Variants in EGF observed in about 807,000 individuals in gnomAD.
EGF encodes epidermal growth factor.
EGF carries 95 observed loss-of-function variants against 143.8 expected under a neutral mutation model. The observed-to-expected ratio is 0.66, with a 90% CI of 0.56 to 0.78. The LOEUF is 0.78. Among genes scored for constraint, EGF ranks in the 30% least tolerant of loss-of-function variants. EGF has a pLI of 0.00. For synonymous variants in EGF, 510 were observed against 510.5 expected (o/e 1.00, Z 0.01); for missense variants, 1,320 against 1,470.9 (o/e 0.90, Z 1.68).
rs904010255 is a variant in EGF, at chr4:109,921,955, G to T, written c.127+8493G>T. Among the ~76,000 whole-genome samples, 65 of 151,468 alleles carry T rather than the reference G, an allele frequency of 4.3e-4. 2 individuals are homozygous for T. The highest frequency in any genetic ancestry group is 1.6e-3 in the African/African-American group (64 of 40,778). On this transcript the variant is annotated intron_variant, in intron 1 of 23. Transcript: ENST00000265171. ...CCAATCCTCTGCTCTTCCAGCCCAG[G>T]CCTTCCCTTACGAGGTTTAAAAACA...
At chr4:109,933,823 C>T (rs1047555286) in intron 1 of EGF, among the ~76,000 whole-genome samples, 2 of 152,012 alleles carry the variant, frequency 1.3e-5, no homozygotes, top group African/African-American at 2.4e-5. Context: ...AGTCTATTAT[C>T]GATAGACATT....
intron 21 of EGF, chr4:110,001,756 A>G: frequency 1.0e-6 from 1 of 985,458 alleles, no homozygotes; most frequent in Non-Finnish European, 1.2e-6. Context: ...GAGTATCTTC[A>G]ACCTCAGACT....
chr4:109,994,063 A>G (rs41335052), intron 19 of EGF, among the ~76,000 whole-genome samples: 129 of 151,756 alleles, frequency 8.5e-4, no homozygotes, highest in African/African-American at 2.9e-3. Context: ...ATTTTTCTCA[A>G]ATAATTTGCT....
chr4:109,961,806 A>G (rs1745742447), intron 7 of EGF, 57 bp from the exon 8 acceptor site: 2 of 1,607,956 alleles, frequency 1.2e-6, no homozygotes, highest in African/African-American at 2.7e-5. Context: ...ACTGATTGCA[A>G]TAAATTTTTG....
intron 17 of EGF, among the ~76,000 whole-genome samples, chr4:109,988,066 A>G (rs887864327): frequency 6.6e-6 from 1 of 152,228 alleles, no homozygotes; most frequent in Non-Finnish European, 1.5e-5. Flanking sequence ...TTGAGTTTAT[A>G]GTAAAATTTA....
chr4:109,932,376 T>TATATATATATATATATATATATAA (rs1231665559), intron 1 of EGF, among the ~76,000 whole-genome samples: 1 of 126,194 alleles, frequency 7.9e-6, no homozygotes, highest in East Asian at 2.7e-4. Flanking sequence ...TATATATATA[T>TATATATATATATATATATATATAA]AAATTTTTTT....
chr4:109,946,162 TTGCCAC>T (rs565797224), intron 5 of EGF, among the ~76,000 whole-genome samples: 252 of 152,326 alleles, frequency 1.7e-3, no homozygotes, highest in African/African-American at 5.8e-3. Context: ...CTCTTCTCTA[TTGCCAC>T]TGCCATAGTC....
rs1345377564 is a variant in EGF, at chr4:109,945,040, G to A, written c.738-33G>A. Reference sequence around the variant, plus strand: ...TAATAAGACAAGGAACAAATGTTCTGTTGTTCTTTTTTCTTTTGTGGTTGC... The same window carrying A: ...TAATAAGACAAGGAACAAATGTTCTATTGTTCTTTTTTCTTTTGTGGTTGC... On this transcript the variant is annotated intron_variant, in intron 4 of 23. Coordinates refer to ENST00000265171, the MANE Select transcript of EGF (RefSeq NM_001963.6). The A allele has an allele frequency of 1.9e-6, 3 of 1,599,828 alleles. No homozygotes were observed. The Admixed American group carries it at 5.0e-5, about 27-fold the overall frequency.
intron 18 of EGF, among the ~76,000 whole-genome samples, chr4:109,989,001 A>G (rs1750565473): frequency 6.6e-6 from 1 of 152,148 alleles, no homozygotes; most frequent in Non-Finnish European, 1.5e-5. Flanking sequence ...TGTCTCATCA[A>G]TACTTCCCAC....
intron 1 of EGF, among the ~76,000 whole-genome samples, chr4:109,935,963 A>G (rs1740709092): frequency 6.6e-6 from 1 of 151,718 alleles, no homozygotes; most frequent in African/African-American, 2.4e-5. Flanking sequence ...TTTATTGAGG[A>G]TTTTCATGTC....
At position 110,011,434 on chromosome 4, in the gene EGF, C is replaced by T; in HGVS notation, c.3603C>T (p.His1201=). Residue 1201 remains histidine, a synonymous_variant, in exon 24 of 24, where the codon CAC becomes CAT. Transcript: ENST00000265171. The stretch of plus-strand genomic sequence containing the variant: ...AACAAAGGGCCCTGGACCCACCACA[C>T]CAAATGGAGCTGACTCAGTGAAAAC... ...LWQQRALDPP[H]QMELTQ is the part of the protein sequence containing the mutation. 1 of 1,614,126 alleles carries T rather than the reference C, an allele frequency of 6.2e-7. No homozygotes were observed. The highest frequency in any genetic ancestry group is 1.1e-5 in the South Asian group (1 of 91,078).
In EGF at chr4:109,998,270, A is replaced by C. The variant is rs150401922; in HGVS notation, c.3006-1409A>C. Among the ~76,000 whole-genome samples the C allele has an allele frequency of 1.4e-3, 216 of 152,356 alleles. 1 individual carries two copies. Among genetic ancestry groups the C allele is most frequent in the African/African-American group, 4.9e-3 (205 of 41,588 alleles). On this transcript the variant is annotated intron_variant, in intron 20 of 23. Transcript: ENST00000265171. ...CAAAGATAGCTAGAATTAAAACAGC[A>C]TCCAAGAAAGCCTGCAAGAATGATG... is the stretch of plus-strand genomic sequence containing the variant.
chr4:109,923,973 C>A (rs1182989002), intron 1 of EGF, among the ~76,000 whole-genome samples: 5 of 151,566 alleles, frequency 3.3e-5, no homozygotes, highest in African/African-American at 1.2e-4. Flanking sequence ...AAGAAGGAAA[C>A]AATTCACAGA....
chr4:109,929,721 T>TA (rs978772386), intron 1 of EGF, among the ~76,000 whole-genome samples: 5 of 152,130 alleles, frequency 3.3e-5, no homozygotes, highest in African/African-American at 9.7e-5. Flanking sequence ...AGCATTTTTT[T>TA]AATGGAATTA....
In EGF at chr4:110,000,420, G is replaced by A. The variant is rs11569101; in HGVS notation, c.3173+574G>A. Among the ~76,000 whole-genome samples the A allele has an allele frequency of 6.4e-3, 968 of 151,934 alleles. 11 individuals are homozygous for A. The highest frequency in any genetic ancestry group is 0.021 in the African/African-American group (880 of 41,410). ...TTTATCAATCACAATATGGTTTTGC[G>A]TTCCACTCTCTTTGTTTAATATTAT... On this transcript the variant is annotated intron_variant, in intron 21 of 23. Transcript: ENST00000265171.
At chr4:109,918,752 T>A (rs1317382884) in intron 1 of EGF, among the ~76,000 whole-genome samples, 2 of 152,080 alleles carry the variant, frequency 1.3e-5, no homozygotes, top group Admixed American at 1.3e-4. Flanking sequence ...TACCTGAAGG[T>A]TTGCTGTTGG....
rs375529575 is a variant in EGF, at chr4:110,008,201, T to C, written c.3341T>C (p.Val1114Ala). Residue 1114 changes from valine (V) to alanine (A), a missense_variant, in exon 23 of 24, where the codon GTG becomes GCG. Physicochemically the swap from Val to Ala is moderately conservative, Grantham distance 64. This residue lies in a region of EGF where 1,186 missense variants were observed against 1,313.7 expected (regional missense o/e 0.90). Transcript: ENST00000265171. ...GACCTCAAGAATGGGGGTCAACCAG[T>C]GGCTGGTGAGGATGGCCAGGCAGCA... ...HQDLKNGGQP[V>A]AGEDGQAADG... 3.8e-5 allele frequency: 62 copies of C among 1,613,952 alleles called. No individual in the cohort carries two copies. The highest frequency in any genetic ancestry group is 3.7e-4 in the Admixed American group (22 of 59,978).
chr4:109,982,849 G>A (rs1749586721), intron 15 of EGF, among the ~76,000 whole-genome samples: 1 of 152,158 alleles, frequency 6.6e-6, no homozygotes, highest in Admixed American at 6.6e-5. Context: ...CATTCTGAAG[G>A]ATGAGCCCAG....
chr4:109,950,557 T>C (rs1225616404), intron 5 of EGF, among the ~76,000 whole-genome samples: 1 of 152,220 alleles, frequency 6.6e-6, no homozygotes, highest in Non-Finnish European at 1.5e-5. Flanking sequence ...TAATCATCAG[T>C]AATTAAAGTG....
Sources: allele counts gnomAD v4.1 joint callset (sites outside exome capture counted in the v4.1 genomes callset), GRCh38; gene constraint gnomAD v4.1.1; regional missense constraint gnomAD v4.1.1; transcripts MANE v1.5; gene names NCBI Gene and HGNC (gene_info 2026-07-23, HGNC 2026-07-21).